KCNAB1: variants seen among roughly 807,000 people sequenced by gnomAD.
KCNAB1 encodes potassium voltage-gated channel subfamily A regulatory beta subunit 1.
A neutral mutation model predicts 64.6 loss-of-function variants in KCNAB1; 35 were observed. The ratio of observed to expected loss-of-function variants is 0.54; its 90% confidence interval spans 0.41 to 0.72. KCNAB1 has a LOEUF of 0.72. Among genes scored for constraint, KCNAB1 ranks in the 30% least tolerant of loss-of-function variants. KCNAB1 has a pLI of 0.00. For missense variants in KCNAB1, 401 were observed against 512.9 expected (o/e 0.78, Z 2.11); for synonymous variants, 177 against 183.8 (o/e 0.96, Z 0.30).
chr3:156,370,641 AG>A (rs1334643459), intron 1 of KCNAB1, among the ~76,000 whole-genome samples: 5 of 152,240 alleles, frequency 3.3e-5, no homozygotes, highest in African/African-American at 1.2e-4. Context: ...AAGAAGTCAA[AG>A]GGTTGGCTCC....
chr3:156,373,245 C>A (rs1473661087), intron 1 of KCNAB1, among the ~76,000 whole-genome samples: 3 of 152,164 alleles, frequency 2.0e-5, no homozygotes, highest in Non-Finnish European at 4.4e-5. Context: ...AAAGCAATCT[C>A]ATCTACTGAA....
chr3:156,132,156 A>G (rs1714034363), intron 1 of KCNAB1, among the ~76,000 whole-genome samples: 1 of 152,174 alleles, frequency 6.6e-6, no homozygotes, highest in South Asian at 2.1e-4. Context: ...ATTTTCCATA[A>G]CATGGAGAGA....
chr3:156,147,567 G>A (rs1168186293), intron 1 of KCNAB1, among the ~76,000 whole-genome samples: 1 of 151,740 alleles, frequency 6.6e-6, no homozygotes, highest in Non-Finnish European at 1.5e-5. Flanking sequence ...AGAATGACAG[G>A]GCTTCTCCAG....
chr3:156,317,095 C>A (rs1254742160), intron 1 of KCNAB1, among the ~76,000 whole-genome samples: 2 of 152,132 alleles, frequency 1.3e-5, no homozygotes, highest in Admixed American at 6.5e-5. Flanking sequence ...TGGTGTTTTT[C>A]AGTTTCAGGG....
At chr3:156,499,656 T>C (rs1363922366) in intron 8 of KCNAB1, among the ~76,000 whole-genome samples, 1 of 152,204 alleles carries the variant, frequency 6.6e-6, no homozygotes, top group Non-Finnish European at 1.5e-5. Context: ...GGGCTGGTTT[T>C]AGAGAGAAAT....
intron 8 of KCNAB1, among the ~76,000 whole-genome samples, chr3:156,491,678 G>A (rs1715640087): frequency 6.6e-6 from 1 of 151,700 alleles, no homozygotes; most frequent in Non-Finnish European, 1.5e-5. Flanking sequence ...GGACTTTTAT[G>A]CCTATATTCA....
intron 1 of KCNAB1, among the ~76,000 whole-genome samples, chr3:156,143,575 T>TGTTTTTTTTTTTTTTTG (rs1333101847): frequency 3.6e-3 from 63 of 17,314 alleles, no homozygotes; most frequent in African/African-American, 0.01. Flanking sequence ...TCTTGTTTTT[T>TGTTTTTTTTTTTTTTTG]TTTTTTTTTT....
chr3:156,524,278 C>G, intron 12 of KCNAB1: 1 of 184,344 alleles, frequency 5.4e-6, no homozygotes, highest in Non-Finnish European at 1.1e-5. Flanking sequence ...CTGTTGAAAA[C>G]TAAACCAGGG....
chr3:156,386,475 C>T (rs1712603098), intron 1 of KCNAB1, among the ~76,000 whole-genome samples: 1 of 152,170 alleles, frequency 6.6e-6, no homozygotes, highest in South Asian at 2.1e-4. Context: ...ATCTCTCTGG[C>T]ATCTGCATTC....
chr3:156,158,088 C>T (rs1337290939), intron 1 of KCNAB1, among the ~76,000 whole-genome samples: 3 of 150,658 alleles, frequency 2.0e-5, no homozygotes, highest in Non-Finnish European at 4.4e-5. Context: ...TGGCGTGAAC[C>T]CGGGAGGCGG....
intron 13 of KCNAB1, 121 bp downstream of exon 13, chr3:156,531,618 G>C (rs2280030): frequency 0.58 from 439,070 of 761,590 alleles, 127,572 homozygotes; most frequent in East Asian, 0.66. Flanking sequence ...GGGGAACAAA[G>C]GCAACAGAAC....
At chr3:156,133,911 T>TC (rs1183962301) in intron 1 of KCNAB1, among the ~76,000 whole-genome samples, 1 of 142,310 alleles carries the variant, frequency 7.0e-6, no homozygotes, top group East Asian at 2.3e-4. Flanking sequence ...TTGACTTTTG[T>TC]TTTTTTTTTT....
rs950732925 is a variant in KCNAB1 at position 156,537,265 on chromosome 3, C to T, written c.*518C>T. On this transcript the variant is annotated 3_prime_UTR_variant, in exon 14 of 14. Transcript: ENST00000490337. Reference sequence around the variant, plus strand: ...CAAAAAAAAAAAAGCAGTATCTTCACTCAAAAGTCTTGCTTGGAAGAATAA... The same window carrying T: ...CAAAAAAAAAAAAGCAGTATCTTCATTCAAAAGTCTTGCTTGGAAGAATAA... 129 of 386,860 alleles carry T rather than the reference C, an allele frequency of 3.3e-4. No homozygotes were observed. The highest frequency in any genetic ancestry group is 2.5e-3 in the African/African-American group (120 of 48,012). The allele number at this position is 386,860 out of a possible 1,614,324, so 24.0% of individuals were successfully genotyped here. A position where few individuals can be genotyped will look rare whatever the true frequency, so the allele number is the denominator to read the frequency against.
Position 156,508,257 on chromosome 3 carries a change from T to C in KCNAB1, c.659-6107T>C, listed in dbSNP as rs933964645. ...ATCTTTTTTATCTTTTGCTTTTATC[T>C]CTGTGGCCAGATTAATTTGAGTACA... On this transcript the variant is annotated intron_variant, in intron 8 of 13. Transcript: ENST00000490337. The surrounding 1 kb of genome is among the most constrained non-coding windows in gnomAD (Gnocchi z 4.1). Among the ~76,000 whole-genome samples the C allele has an allele frequency of 2.6e-5, 4 of 152,220 alleles. No homozygotes were observed. Among genetic ancestry groups the C allele is most frequent in the Non-Finnish European group, 5.9e-5 (4 of 68,034 alleles).
At chr3:156,324,464 T>G (rs1157827507) in intron 1 of KCNAB1, among the ~76,000 whole-genome samples, 1 of 152,142 alleles carries the variant, frequency 6.6e-6, no homozygotes, top group East Asian at 1.9e-4. Context: ...ATTTTAGTGA[T>G]TATGTTGAAC....
At chr3:156,476,857 T>G (rs1481871595) in intron 8 of KCNAB1, among the ~76,000 whole-genome samples, 17 of 152,150 alleles carry the variant, frequency 1.1e-4, no homozygotes, top group Admixed American at 1.0e-3. Flanking sequence ...TGCCATTTAG[T>G]GGGGTCTATG....
intron 1 of KCNAB1, among the ~76,000 whole-genome samples, chr3:156,171,819 AC>A (rs1712012660): frequency 6.6e-6 from 1 of 152,222 alleles, no homozygotes; most frequent in South Asian, 2.1e-4. Flanking sequence ...GAAATCAGTG[AC>A]AAAAATGCCT....
At chr3:156,351,689 T>G (rs1724867957) in intron 1 of KCNAB1, among the ~76,000 whole-genome samples, 1 of 152,192 alleles carries the variant, frequency 6.6e-6, no homozygotes, top group Non-Finnish European at 1.5e-5. Context: ...TGAAAGGCCT[T>G]GAGATGGGTA....
intron 2 of KCNAB1, among the ~76,000 whole-genome samples, chr3:156,428,179 A>G (rs935521660): frequency 2.0e-5 from 3 of 152,166 alleles, no homozygotes; most frequent in Admixed American, 6.5e-5. Flanking sequence ...TTACAGACTG[A>G]GTAAAGCCGA....
Sources: gnomAD v4.1 joint callset for allele counts (sites outside exome capture counted in the v4.1 genomes callset) on GRCh38, gnomAD v4.1.1 for gene constraint, Gnocchi (gnomAD v3.1) non-coding constraint, MANE v1.5 for transcripts, NCBI Gene and HGNC (gene_info 2026-07-23, HGNC 2026-07-21) for gene names.